SHANK2: variants seen among roughly 807,000 people sequenced by gnomAD.
SHANK2 encodes SH3 and multiple ankyrin repeat domains 2, also known as SH3 and multiple ankyrin repeat domains protein 2.
SHANK2 carries 43 observed loss-of-function variants against 133.7 expected under a neutral mutation model. The observed-to-expected ratio is 0.32, with a 90% confidence interval of 0.25 to 0.41. SHANK2 has a LOEUF of 0.41. Ranked by LOEUF, SHANK2 falls within the 10% of genes least tolerant of loss-of-function variation. The pLI, the probability that SHANK2 is intolerant of heterozygous loss-of-function variation, is 1.00. For synonymous variants in SHANK2, 1,017 were observed against 952.8 expected (o/e 1.07, Z -1.24); for missense variants, 1,994 against 2,235.8 (o/e 0.89, Z 2.18).
rs563100011 is a variant in SHANK2, at chr11:70,812,021, T to C, written c.1494-4850A>G. 1.8e-3 allele frequency among the ~76,000 whole-genome samples: 278 copies of C among 152,364 alleles called. 1 individual carries two copies. The highest frequency in any genetic ancestry group is 3.1e-3 in the Non-Finnish European group (214 of 68,036). ...AAAAAAGCGGATGATCAGGAGTAAC[T>C]GTGATAACGCACTCTGCCAGGTGTT... On this transcript the variant is annotated intron_variant, in intron 12 of 25. Transcript: ENST00000601538.
At position 71,248,144 on chromosome 11, in the gene SHANK2, A is replaced by G. The variant is rs148079111; in HGVS notation, c.-113+4281T>C. On this transcript the variant is annotated intron_variant, in intron 1 of 25. Transcript: ENST00000601538. The stretch of plus-strand genomic sequence containing the variant: ...CATTGTCCCCCGCCCTGCAAAGAAC[A>G]GAAACCCTAGAATGCAGGGAAGGCT... 1.7e-3 allele frequency among the ~76,000 whole-genome samples: 252 copies of G among 152,376 alleles called. 2 individuals carry two copies. Among genetic ancestry groups the G allele is most frequent in the African/African-American group, 5.9e-3 (246 of 41,596 alleles).
chr11:71,201,188 A>G (rs1387150447), intron 2 of SHANK2, among the ~76,000 whole-genome samples: 3 of 152,196 alleles, frequency 2.0e-5, no homozygotes, highest in Non-Finnish European at 2.9e-5. Flanking sequence ...ATTTCCCTCA[A>G]CTGTTCCTTC....
At chr11:71,056,101 A>C (rs1438666391) in intron 10 of SHANK2, among the ~76,000 whole-genome samples, 2 of 152,150 alleles carry the variant, frequency 1.3e-5, no homozygotes, top group African/African-American at 4.8e-5. Flanking sequence ...TGCCAATGGA[A>C]GGCAAGCCCC....
intron 11 of SHANK2, among the ~76,000 whole-genome samples, chr11:70,892,759 T>C (rs1590804613): frequency 6.6e-6 from 1 of 152,100 alleles, no homozygotes; most frequent in South Asian, 2.1e-4. Flanking sequence ...ATTCCCCAAA[T>C]CCCTGATGGG....
chr11:70,582,441 C>T (rs1365041813), intron 17 of SHANK2, among the ~76,000 whole-genome samples: 1 of 152,268 alleles, frequency 6.6e-6, no homozygotes, highest in Non-Finnish European at 1.5e-5. Flanking sequence ...GGGACCCACT[C>T]AGCTTCCCTG....
At chr11:71,199,250 G>C (rs1001410581) in intron 2 of SHANK2, among the ~76,000 whole-genome samples, 2 of 152,202 alleles carry the variant, frequency 1.3e-5, no homozygotes, top group African/African-American at 4.8e-5. Flanking sequence ...TAAAATGGGA[G>C]CTTTACTTCC....
At chr11:70,853,140 T>C (rs1278380521) in intron 11 of SHANK2, among the ~76,000 whole-genome samples, 3 of 152,210 alleles carry the variant, frequency 2.0e-5, no homozygotes, top group Admixed American at 2.0e-4. Flanking sequence ...AGGGTCCTCC[T>C]GGGCTCCTTA....
chr11:71,158,081 C>T (rs1483828964), intron 2 of SHANK2, among the ~76,000 whole-genome samples: 1 of 152,158 alleles, frequency 6.6e-6, no homozygotes, highest in African/African-American at 2.4e-5. Flanking sequence ...GAACAGAGCA[C>T]CTACTCAAAT....
chr11:70,796,811 G>C (rs910892626), intron 14 of SHANK2, among the ~76,000 whole-genome samples: 1 of 152,212 alleles, frequency 6.6e-6, no homozygotes, highest in East Asian at 1.9e-4. Context: ...GCTAAGACTA[G>C]TGGGATCCAA....
chr11:70,872,501 GA>G (rs1565374304), intron 11 of SHANK2: 1 of 152,436 alleles, frequency 6.6e-6, no homozygotes, highest in Non-Finnish European at 1.5e-5. Context: ...CCCTTCCCTA[GA>G]AGCGCTTGGT....
chr11:71,082,951 C>A (rs896168403), intron 8 of SHANK2, among the ~76,000 whole-genome samples: 58 of 148,514 alleles, frequency 3.9e-4, no homozygotes, highest in Admixed American at 2.4e-3. Flanking sequence ...CCGCCCCCCC[C>A]CCAACCCTTC....
intron 10 of SHANK2, among the ~76,000 whole-genome samples, chr11:70,898,407 G>A (rs1424261090): frequency 6.6e-6 from 1 of 151,876 alleles, no homozygotes; most frequent in Non-Finnish European, 1.5e-5. Context: ...AAATGCTTTG[G>A]AACTGGGTAA....
chr11:70,857,287 T>C (rs993239467), intron 11 of SHANK2, among the ~76,000 whole-genome samples: 1 of 152,094 alleles, frequency 6.6e-6, no homozygotes, highest in African/African-American at 2.4e-5. Flanking sequence ...CAAAGGGTTG[T>C]TTTAGGAATC....
At chr11:71,191,899 C>T (rs1029020277) in intron 2 of SHANK2, among the ~76,000 whole-genome samples, 1 of 151,840 alleles carries the variant, frequency 6.6e-6, no homozygotes, top group Admixed American at 6.6e-5. Context: ...CTCGCTCTGT[C>T]GCCCAGGCTG....
chr11:70,867,620 G>A (rs1029625121), intron 11 of SHANK2, among the ~76,000 whole-genome samples: 1 of 152,224 alleles, frequency 6.6e-6, no homozygotes, highest in Admixed American at 6.5e-5. Context: ...TCCCTCTTGA[G>A]AATCGACGCT....
In SHANK2 at chr11:70,752,523, G is replaced by A. The variant is rs1259914258; in HGVS notation, c.1777+45920C>T. Reference sequence around the variant, plus strand: ...CACAAGGTCAGGAGATCGAGACCACGGTGAAAGCCCGTCTCTACTAAAAAT... The same window carrying A: ...CACAAGGTCAGGAGATCGAGACCACAGTGAAAGCCCGTCTCTACTAAAAAT... On this transcript the variant is annotated intron_variant, in intron 14 of 25. Coordinates refer to ENST00000601538, the MANE Select transcript of SHANK2 (RefSeq NM_012309.5). Among the ~76,000 whole-genome samples the A allele has an allele frequency of 3.3e-5, 5 of 151,880 alleles. No homozygotes were observed. The East Asian group carries it at 5.8e-4, about 18-fold the overall frequency.
At chr11:70,863,692 G>A (rs1473229491) in intron 11 of SHANK2, 1 of 421,358 alleles carries the variant, frequency 2.4e-6, no homozygotes, top group African/African-American at 2.0e-5. Context: ...AAGAGGCACT[G>A]GCACCCCGTT....
At position 70,907,672 on chromosome 11, in the gene SHANK2, T is replaced by A. The variant is rs1950126742; in HGVS notation, c.1108-11105A>T. 3 of 218,086 alleles carry A rather than the reference T, an allele frequency of 1.4e-5. No individual in the cohort carries two copies. The South Asian group carries it at 1.7e-4, about 12-fold the overall frequency. The allele number at this position is 218,086 out of a possible 1,614,324, so 13.5% of individuals were successfully genotyped here. A position where few individuals can be genotyped will look rare whatever the true frequency, so the allele number is the denominator to read the frequency against. ...GAGTTTATTTTAGAAATAAGAAAAT[T>A]GACAAATATAATTCATCGCATTAGC... On this transcript the variant is annotated intron_variant, in intron 10 of 25. Transcript: ENST00000601538.
intron 8 of SHANK2, among the ~76,000 whole-genome samples, chr11:71,082,940 C>T (rs1951320118): frequency 7.5e-6 from 1 of 133,324 alleles, no homozygotes; most frequent in East Asian, 2.4e-4. Flanking sequence ...TTTCTTAACG[C>T]CCGCCCCCCC....
Sources: allele counts gnomAD v4.1 joint callset (sites outside exome capture counted in the v4.1 genomes callset), GRCh38; gene constraint gnomAD v4.1.1; transcripts MANE v1.5; gene names NCBI Gene and HGNC (gene_info 2026-07-23, HGNC 2026-07-21).